The following ADORA1 variants were observed in gnomAD, a reference collection of about 807,000 sequenced individuals.
ADORA1 encodes adenosine A1 receptor.
ADORA1 carries 6 observed loss-of-function variants against 19.9 expected under a neutral mutation model. That is an observed-to-expected ratio of 0.30 (90% CI 0.17 to 0.59). The LOEUF is 0.59. Among genes scored for constraint, ADORA1 ranks in the 20% least tolerant of loss-of-function variants. The pLI is 0.87. For synonymous variants in ADORA1, 194 were observed against 188.4 expected (o/e 1.03, Z -0.24); for missense variants, 302 against 439.2 (o/e 0.69, Z 2.79).
rs1654224950 is a variant in ADORA1, at chr1:203,128,456, G to C, written c.-58+24G>C. The C allele has an allele frequency of 7.8e-7, 1 of 1,284,852 alleles. No homozygotes were observed. Among genetic ancestry groups the C allele is most frequent in the Admixed American group, 2.3e-5 (1 of 43,402 alleles). 79.6% of individuals were successfully genotyped at this position (1,284,852 alleles called of 1,614,324 possible). ...TGGTGAGCTCCCTGCATCCTGTTCT[G>C]TGCACAGGGGTGGGCAGAGCCAGTC... On this transcript the variant is annotated intron_variant, in intron 2 of 3. Coordinates refer to ENST00000337894, the MANE Select transcript of ADORA1 (RefSeq NM_000674.3). This position sits in a 1 kb window ranked among gnomAD's most constrained non-coding sequence, Gnocchi z 5.9.
chr1:203,153,009 C>T (rs1228014128), intron 3 of ADORA1, among the ~76,000 whole-genome samples: 1 of 152,198 alleles, frequency 6.6e-6, no homozygotes, highest in Non-Finnish European at 1.5e-5. Flanking sequence ...TCCCACTTTG[C>T]ACCCCACCCT....
intron 3 of ADORA1, among the ~76,000 whole-genome samples, chr1:203,141,890 G>T (rs534099780): frequency 6.6e-6 from 1 of 152,178 alleles, no homozygotes; most frequent in East Asian, 1.9e-4. Flanking sequence ...GCCTAACCTG[G>T]ATGTTTTTAA....
In ADORA1 at chr1:203,166,538, G is replaced by A. The variant is rs199790596; in HGVS notation, c.*638G>A. The A allele has an allele frequency of 1.3e-5, 2 of 152,390 alleles. No individual in the cohort carries two copies. Among genetic ancestry groups the A allele is most frequent in the Non-Finnish European group, 2.9e-5 (2 of 68,162 alleles). 9.4% of individuals were successfully genotyped at this position (152,390 alleles called of 1,614,324 possible). On this transcript the variant is annotated 3_prime_UTR_variant, in exon 4 of 4. Coordinates refer to ENST00000337894, the MANE Select transcript of ADORA1 (RefSeq NM_000674.3). ...CTCTCCTTGCCCTGGGCCAGCCCAGGATTGTACGTGGGAGAGGCAGAAAGG... is the reference window on the plus strand; with the variant it reads ...CTCTCCTTGCCCTGGGCCAGCCCAGAATTGTACGTGGGAGAGGCAGAAAGG...
At chr1:203,149,175 G>A (rs150903956) in intron 3 of ADORA1, among the ~76,000 whole-genome samples, 1 of 152,126 alleles carries the variant, frequency 6.6e-6, no homozygotes, top group African/African-American at 2.4e-5. Context: ...ACTGTACCAG[G>A]CCTGCATTTT....
intron 3 of ADORA1, among the ~76,000 whole-genome samples, chr1:203,154,811 A>C (rs1655144777): frequency 6.6e-6 from 1 of 152,212 alleles, no homozygotes; most frequent in African/African-American, 2.4e-5. Flanking sequence ...AGACAGCTTC[A>C]GAACCAGCAC....
chr1:203,136,731 G>C (rs969851102), intron 3 of ADORA1, among the ~76,000 whole-genome samples: 4 of 152,330 alleles, frequency 2.6e-5, no homozygotes, highest in African/African-American at 9.6e-5. Flanking sequence ...ACTCCATGCA[G>C]CTCAGGTTGT....
intron 3 of ADORA1, 63 bp downstream of exon 3, chr1:203,129,245 G>C: frequency 6.5e-7 from 1 of 1,537,320 alleles, no homozygotes; most frequent in Non-Finnish European, 8.7e-7. Context: ...GGGCCATCTA[G>C]AAAGGAAAAA....
intron 3 of ADORA1, among the ~76,000 whole-genome samples, chr1:203,152,024 G>A (rs1330018005): frequency 1.3e-5 from 2 of 152,070 alleles, no homozygotes; most frequent in Non-Finnish European, 2.9e-5. Context: ...TTCTGCTAGC[G>A]CTGAGCTCAG....
At chr1:203,158,152 C>T (rs953422471) in intron 3 of ADORA1, among the ~76,000 whole-genome samples, 6 of 152,144 alleles carry the variant, frequency 3.9e-5, no homozygotes, top group Non-Finnish European at 8.8e-5. Context: ...TAAGTTTCAT[C>T]TTTAAATCAT....
At chr1:203,146,626 CAAA>C (rs543486969) in intron 3 of ADORA1, among the ~76,000 whole-genome samples, 11 of 95,286 alleles carry the variant, frequency 1.2e-4, no homozygotes, top group South Asian at 3.4e-4. Flanking sequence ...AAGCCTGTCT[CAAA>C]AAAAAAAAAA....
At chr1:203,155,742 A>G (rs928967523) in intron 3 of ADORA1, among the ~76,000 whole-genome samples, 5 of 152,318 alleles carry the variant, frequency 3.3e-5, no homozygotes, top group Admixed American at 2.0e-4. Flanking sequence ...GCAGTTTCTC[A>G]TACATTTCAT....
intron 3 of ADORA1, among the ~76,000 whole-genome samples, chr1:203,148,866 T>C (rs956767766): frequency 2.5e-4 from 38 of 152,176 alleles, no homozygotes; most frequent in African/African-American, 8.9e-4. Flanking sequence ...CAAGGCCCGT[T>C]ACTACTGTCT....
chr1:203,150,745 G>A (rs1655004805), intron 3 of ADORA1: 3 of 1,289,706 alleles, frequency 2.3e-6, no homozygotes, highest in Non-Finnish European at 3.0e-6. Flanking sequence ...AGCTGAGTGT[G>A]GGGGTGGACT....
At chr1:203,139,754 A>C (rs1654620554) in intron 3 of ADORA1, among the ~76,000 whole-genome samples, 1 of 152,224 alleles carries the variant, frequency 6.6e-6, no homozygotes, top group Non-Finnish European at 1.5e-5. Flanking sequence ...GCGAGAGCCC[A>C]TGGACATGCC....
chr1:203,155,013 CTATT>C (rs1655150830), intron 3 of ADORA1, among the ~76,000 whole-genome samples: 1 of 135,438 alleles, frequency 7.4e-6, no homozygotes, highest in Admixed American at 8.0e-5. Flanking sequence ...TGGGCTCTTC[CTATT>C]TATTATTATT....
chr1:203,165,389 C>A lies in ADORA1; in HGVS notation c.470C>A (p.Ala157Glu). ...NNLSAVERAW[A>E]ANGSMGEPVI... is the part of the protein sequence containing the mutation. ...CTGAGTGCGGTGGAGCGGGCCTGGG[C>A]AGCCAACGGCAGCATGGGGGAGCCC... The change falls in exon 4 of 4, where the codon GCA becomes GAA. Residue 157 changes from alanine (A) to glutamate (E), a missense_variant. Physicochemically the swap from Ala to Glu is moderately radical, Grantham distance 107. Transcript: ENST00000337894. This position sits in a 1 kb window ranked among gnomAD's most constrained non-coding sequence, Gnocchi z 5.9. The A allele has an allele frequency of 6.2e-7, 1 of 1,606,774 alleles. No homozygotes were observed. The highest frequency in any genetic ancestry group is 8.5e-7 in the Non-Finnish European group (1 of 1,176,292).
intron 3 of ADORA1, among the ~76,000 whole-genome samples, chr1:203,133,948 C>A (rs776133878): frequency 1.3e-5 from 2 of 152,208 alleles, no homozygotes; most frequent in Admixed American, 6.5e-5. Flanking sequence ...GTCATGCCCC[C>A]GCAGGTGACT....
At chr1:203,151,067 G>A (rs1655016621) in intron 3 of ADORA1, among the ~76,000 whole-genome samples, 1 of 152,142 alleles carries the variant, frequency 6.6e-6, no homozygotes, top group South Asian at 2.1e-4. Context: ...AGTGGGGGTC[G>A]GATTTACAGT....
intron 3 of ADORA1, among the ~76,000 whole-genome samples, chr1:203,151,444 T>C (rs1655030842): frequency 6.6e-6 from 1 of 152,240 alleles, no homozygotes; most frequent in African/African-American, 2.4e-5. Context: ...ACCATGTGAC[T>C]GGCCTTCCAA....
Sources: allele counts gnomAD v4.1 joint callset (sites outside exome capture counted in the v4.1 genomes callset), GRCh38; gene constraint gnomAD v4.1.1; non-coding constraint Gnocchi (gnomAD v3.1); transcripts MANE v1.5; gene names NCBI Gene and HGNC (gene_info 2026-07-23, HGNC 2026-07-21).